Variants in BLK observed in about 807,000 individuals in gnomAD.
BLK encodes BLK proto-oncogene, Src family tyrosine kinase, also known as tyrosine-protein kinase Blk.
A neutral mutation model predicts 61.8 loss-of-function variants in BLK; 64 were observed. The ratio of observed to expected loss-of-function variants is 1.03; its 90% CI spans 0.85 to 1.27. The LOEUF (loss-of-function observed/expected upper bound fraction) is 1.27. Ranked by LOEUF, BLK falls within the 50% of genes most tolerant of loss-of-function variation. BLK has a pLI of 0.00. For synonymous variants in BLK, 351 were observed against 272.0 expected, an observed-to-expected ratio of 1.29 and a Z score of -2.86; for missense variants, 853 against 660.5, an observed-to-expected ratio of 1.29 and a Z score of -3.19.
intron 5 of BLK, 148 bp from the exon 6 acceptor site, chr8:11,550,011 G>C: frequency 2.7e-6 from 2 of 728,782 alleles, no homozygotes; most frequent in Non-Finnish European, 4.9e-6. Flanking sequence ...CTCCATCACG[G>C]TGTGAGGAGC....
chr8:11,501,606 G>A (rs1321821856), intron 1 of BLK, among the ~76,000 whole-genome samples: 1 of 152,184 alleles, frequency 6.6e-6, no homozygotes, highest in African/African-American at 2.4e-5. Flanking sequence ...AGGATGCGTA[G>A]CACTTAATTT....
chr8:11,496,745 C>T (rs991131585), intron 1 of BLK, among the ~76,000 whole-genome samples: 1 of 152,202 alleles, frequency 6.6e-6, no homozygotes, highest in Non-Finnish European at 1.5e-5. Flanking sequence ...TGGGGGAGTA[C>T]AGAATTCCAG....
chr8:11,524,857 C>G lies in BLK; in HGVS notation c.-1-18367C>G, dbSNP rs534513424. Among the ~76,000 whole-genome samples, 283 of 151,480 alleles carry G rather than the reference C, an allele frequency of 1.9e-3. 1 individual carries two copies. Among genetic ancestry groups the G allele is most frequent in the African/African-American group, 6.6e-3 (273 of 41,214 alleles). Reference sequence around the variant, plus strand: ...CGACAGGAAAAAGATGACCGTGATACGCTCTGCTAAAAGCAGGTCGCAAAA... The same window carrying G: ...CGACAGGAAAAAGATGACCGTGATAGGCTCTGCTAAAAGCAGGTCGCAAAA... On this transcript the variant is annotated intron_variant, in intron 1 of 12. Coordinates refer to ENST00000259089, the MANE Select transcript of BLK (RefSeq NM_001715.3).
At chr8:11,511,016 T>C (rs1266748377) in intron 1 of BLK, among the ~76,000 whole-genome samples, 1 of 152,238 alleles carries the variant, frequency 6.6e-6, no homozygotes, top group African/African-American at 2.4e-5. Flanking sequence ...GGAGTCAGAC[T>C]GACACACAAA....
At chr8:11,545,971 C>T in intron 2 of BLK, 81 bp from the exon 3 acceptor site, 2 of 1,465,136 alleles carry the variant, frequency 1.4e-6, no homozygotes, top group Non-Finnish European at 1.9e-6. Context: ...ACCCTGGCTG[C>T]CCGGCTCAGC....
intron 10 of BLK, chr8:11,560,077 TA>T (rs1801419572): frequency 3.5e-6 from 1 of 284,448 alleles, no homozygotes; most frequent in Non-Finnish European, 6.7e-6. Flanking sequence ...CCCATATTAG[TA>T]AATGAGTATT....
intron 1 of BLK, among the ~76,000 whole-genome samples, chr8:11,514,965 A>G (rs2117303057): frequency 6.6e-6 from 1 of 152,148 alleles, no homozygotes; most frequent in South Asian, 2.1e-4. Context: ...CTCCCACTCC[A>G]GGGTTGAGGC....
intron 1 of BLK, among the ~76,000 whole-genome samples, chr8:11,520,725 A>AAT (rs1799416834): frequency 2.6e-5 from 4 of 152,044 alleles, no homozygotes; most frequent in Admixed American, 6.5e-5. Context: ...CAACAAGAAA[A>AAT]GGTAATACAA....
At chr8:11,543,057 G>T (rs1210278939) in intron 1 of BLK, among the ~76,000 whole-genome samples, 167 bp from the exon 2 acceptor site, 1 of 152,134 alleles carries the variant, frequency 6.6e-6, no homozygotes, top group South Asian at 2.1e-4. Flanking sequence ...CACCCATTTA[G>T]CTCACCCACC....
At chr8:11,561,599 C>G in intron 11 of BLK, 147 bp downstream of exon 11, 1 of 1,118,998 alleles carries the variant, frequency 8.9e-7, no homozygotes, top group East Asian at 2.6e-5. Context: ...GCATTTCCTT[C>G]ATTTACCCAA....
At chr8:11,555,725 C>G (rs372042909) in intron 8 of BLK, 2 of 622,610 alleles carry the variant, frequency 3.2e-6, no homozygotes, top group Non-Finnish European at 5.7e-6. Context: ...CACCCAGCCC[C>G]GAAGTCGCTC....
intron 1 of BLK, among the ~76,000 whole-genome samples, chr8:11,516,178 C>A (rs546113032): frequency 9.2e-4 from 140 of 152,346 alleles, no homozygotes; most frequent in Non-Finnish European, 1.4e-3. Flanking sequence ...AGAAACACTG[C>A]AATTCCATTT....
At chr8:11,512,643 C>G (rs1000753822) in intron 1 of BLK, among the ~76,000 whole-genome samples, 4 of 139,018 alleles carry the variant, frequency 2.9e-5, no homozygotes, top group African/African-American at 1.1e-4. Flanking sequence ...GCAAATTACA[C>G]AGGCTTCTGG....
At chr8:11,514,577 G>C (rs1053357907) in intron 1 of BLK, among the ~76,000 whole-genome samples, 1 of 152,176 alleles carries the variant, frequency 6.6e-6, no homozygotes, top group South Asian at 2.1e-4. Context: ...GTGCAGAGAT[G>C]CTGCTCCCAG....
At chr8:11,555,583 C>G (rs1278405448) in intron 8 of BLK, 99 bp downstream of exon 8, 5 of 1,561,072 alleles carry the variant, frequency 3.2e-6, no homozygotes, top group South Asian at 2.3e-5. Flanking sequence ...ATCCCTCCCC[C>G]AGAAGTCTTG....
At chr8:11,521,860 C>T (rs1799465490) in intron 1 of BLK, among the ~76,000 whole-genome samples, 1 of 152,160 alleles carries the variant, frequency 6.6e-6, no homozygotes, top group South Asian at 2.1e-4. Flanking sequence ...GGGGACTCCT[C>T]TCTATCTTGG....
chr8:11,524,761 A>G (rs1442507522), intron 1 of BLK, among the ~76,000 whole-genome samples: 1 of 152,182 alleles, frequency 6.6e-6, no homozygotes, highest in African/African-American at 2.4e-5. Flanking sequence ...GGGGAAAATG[A>G]CAACGGTTCA....
chr8:11,548,794 G>A (rs1800765677), intron 4 of BLK, among the ~76,000 whole-genome samples: 1 of 152,214 alleles, frequency 6.6e-6, no homozygotes, highest in Non-Finnish European at 1.5e-5. Context: ...GGATCCTTGT[G>A]CCCTCTTGGC....
chr8:11,496,602 A>C (rs1798366942), intron 1 of BLK, among the ~76,000 whole-genome samples: 1 of 152,168 alleles, frequency 6.6e-6, no homozygotes, highest in South Asian at 2.1e-4. Context: ...ATACACTCTC[A>C]TCTGCCCAGC....
Sources: allele counts gnomAD v4.1 joint callset (sites outside exome capture counted in the v4.1 genomes callset), GRCh38; gene constraint gnomAD v4.1.1; transcripts MANE v1.5; gene names NCBI Gene and HGNC (gene_info 2026-07-23, HGNC 2026-07-21).